The following RAB1A variants were observed in gnomAD, a reference collection of about 807,000 sequenced individuals.
RAB1A encodes the protein ras-related protein Rab-1A.
Under a neutral mutation model 26.0 loss-of-function variants are expected in RAB1A, and 2 were observed. The ratio of observed to expected loss-of-function variants is 0.08; its 90% CI spans 0.03 to 0.24. The LOEUF (loss-of-function observed/expected upper bound fraction) is 0.24, where lower values mean the gene tolerates loss of function less well. Ranked by LOEUF, RAB1A falls within the 10% of genes least tolerant of loss-of-function variation. The pLI, the probability that RAB1A is intolerant of heterozygous loss-of-function variation, is 1.00. For synonymous variants in RAB1A, 84 were observed against 84.9 expected (o/e 0.99, Z 0.06); for missense variants, 100 against 247.0 (o/e 0.40, Z 3.99).
At chr2:65,099,533 A>G (rs1669369267) in intron 2 of RAB1A, among the ~76,000 whole-genome samples, 1 of 152,230 alleles carries the variant, frequency 6.6e-6, no homozygotes, top group African/African-American at 2.4e-5. Flanking sequence ...TTCCTGTGAC[A>G]ATGGAAAGGT....
rs1669275949 is a variant in RAB1A, at chr2:65,096,077, T to C, written c.192+1894A>G. 2.6e-5 allele frequency among the ~76,000 whole-genome samples: 4 copies of C among 151,726 alleles called. No homozygotes were observed. In the South Asian group the frequency reaches 8.3e-4, roughly 31 times the overall value. On this transcript the variant is annotated intron_variant, in intron 3 of 5. Transcript: ENST00000409784. ...CTGAGGCAAGAGAACTGCTTGAACC[T>C]GGGAGGCGGAGGCTGCAGCGAGCCA... is the stretch of plus-strand genomic sequence containing the variant.
At chr2:65,099,247 ATGAACAT>A (rs1669361302) in intron 2 of RAB1A, among the ~76,000 whole-genome samples, 1 of 152,252 alleles carries the variant, frequency 6.6e-6, no homozygotes, top group African/African-American at 2.4e-5. Flanking sequence ...TAATGCTGCC[ATGAACAT>A]TTGTGTACAA....
At position 65,130,025 on chromosome 2, in the gene RAB1A, G is replaced by A; in HGVS notation, c.-110C>T. The A allele has an allele frequency of 8.3e-7, 1 of 1,200,918 alleles. No individual in the cohort carries two copies. Among genetic ancestry groups the A allele is most frequent in the Non-Finnish European group, 1.2e-6 (1 of 831,938 alleles). 74.4% of individuals were successfully genotyped at this position (1,200,918 alleles called of 1,614,324 possible). On this transcript the variant is annotated 5_prime_UTR_variant, in exon 1 of 6. Coordinates refer to ENST00000409784, the MANE Select transcript of RAB1A (RefSeq NM_004161.5). ...AAAGGAATGAGATAGGCTGTTCCGG[G>A]AGAGCAAACGTCTTCCCCTACTCCG...
chr2:65,088,790 T>C (rs1032315895), intron 5 of RAB1A, 100 bp from the exon 6 acceptor site: 16 of 1,323,850 alleles, frequency 1.2e-5, no homozygotes, highest in African/African-American at 4.4e-5. Flanking sequence ...ACTAAGTTCA[T>C]TGGATCCAAA....
At chr2:65,102,353 T>A (rs1669450503) in intron 2 of RAB1A, among the ~76,000 whole-genome samples, 1 of 152,206 alleles carries the variant, frequency 6.6e-6, no homozygotes, top group East Asian at 1.9e-4. Flanking sequence ...TATTTTTAAC[T>A]GTTATATAAA....
intron 1 of RAB1A, among the ~76,000 whole-genome samples, chr2:65,121,473 T>C (rs1007927772): frequency 2.6e-5 from 4 of 152,222 alleles, no homozygotes; most frequent in South Asian, 2.1e-4. Context: ...TTCCAGCCAA[T>C]TGAGCCAACC....
In RAB1A at chr2:65,104,674, GA is replaced by G; in HGVS notation, c.96+59del. 2.4e-6 allele frequency: 3 copies of G among 1,233,462 alleles called. No homozygotes were observed. In the South Asian group the frequency reaches 4.0e-5, roughly 16 times the overall value. The allele number at this position is 1,233,462 out of a possible 1,614,324, so 76.4% of individuals were successfully genotyped here. On this transcript the variant is annotated intron_variant, in intron 2 of 5. Coordinates refer to ENST00000409784, the MANE Select transcript of RAB1A (RefSeq NM_004161.5). The stretch of plus-strand genomic sequence containing the variant: ...AAAACTGTTTAATTTTATCTACCTA[GA>G]AAACATACATAGCATTAATTGTACC...
chr2:65,116,407 G>A lies in RAB1A; in HGVS notation c.24-11601C>T, dbSNP rs147843713. ...CCCGTACTTGAATTGAGGCTCTACT[G>A]CATACCAGCCATAGGATCTTGGTGC... On this transcript the variant is annotated intron_variant, in intron 1 of 5. Coordinates refer to ENST00000409784, the MANE Select transcript of RAB1A (RefSeq NM_004161.5). Among the ~76,000 whole-genome samples the A allele has an allele frequency of 2.5e-3, 377 of 152,192 alleles. 4 individuals carry two copies. The highest frequency in any genetic ancestry group is 8.6e-3 in the African/African-American group (358 of 41,528).
At chr2:65,113,294 C>T (rs529921233) in intron 1 of RAB1A, among the ~76,000 whole-genome samples, 27 of 152,126 alleles carry the variant, frequency 1.8e-4, no homozygotes, top group Non-Finnish European at 3.1e-4. Flanking sequence ...TCTTGATGTC[C>T]GCTGATGTAT....
intron 2 of RAB1A, among the ~76,000 whole-genome samples, chr2:65,101,712 T>C (rs900071504): frequency 1.9e-4 from 29 of 150,920 alleles, no homozygotes; most frequent in Non-Finnish European, 2.5e-4. Context: ...TTTTTTTTTT[T>C]CCATATTTAT....
chr2:65,087,925 TGTTACATA>T lies in RAB1A; in HGVS notation c.*560_*567del, dbSNP rs1472688674. ...TTATTAAACATATCTTCAGTTGTTT[TGTTACATA>T]GTGTGCAACAAATTACAATATTCTG... On this transcript the variant is annotated 3_prime_UTR_variant, in exon 6 of 6. Coordinates refer to ENST00000409784, the MANE Select transcript of RAB1A (RefSeq NM_004161.5). 1 of 152,750 alleles carries T rather than the reference TGTTACATA, an allele frequency of 6.5e-6. No homozygotes were observed. Among genetic ancestry groups the T allele is most frequent in the African/African-American group, 2.4e-5 (1 of 41,464 alleles). The allele number at this position is 152,750 out of a possible 1,614,324, so 9.5% of individuals were successfully genotyped here.
In RAB1A at chr2:65,088,565, A is replaced by T; in HGVS notation, c.546T>A (p.Ala182=). The T allele has an allele frequency of 6.2e-7, 1 of 1,613,752 alleles. No individual in the cohort carries two copies. Among genetic ancestry groups the T allele is most frequent in the Non-Finnish European group, 8.5e-7 (1 of 1,179,836 alleles). The change falls in exon 6 of 6, where the codon GCT becomes GCA. Residue 182 remains alanine (A), a synonymous_variant. Coordinates refer to ENST00000409784, the MANE Select transcript of RAB1A (RefSeq NM_004161.5). ...TAACATTGGACTTCTCAGCACCACC[A>T]GCTGTTGCTCCGGGACCCATTCGCT... is the stretch of plus-strand genomic sequence containing the variant. ...IKKRMGPGAT[A]GGAEKSNVKI... is the part of the protein sequence containing the mutation.
intron 1 of RAB1A, 79 bp downstream of exon 1, chr2:65,129,814 G>T: frequency 6.5e-7 from 1 of 1,549,496 alleles, no homozygotes; most frequent in South Asian, 1.2e-5. Context: ...CCCGACTTCT[G>T]CCCCAACCCT....
intron 1 of RAB1A, among the ~76,000 whole-genome samples, chr2:65,106,123 G>A (rs1307026824): frequency 6.6e-6 from 1 of 151,920 alleles, no homozygotes; most frequent in Non-Finnish European, 1.5e-5. Flanking sequence ...ACTATCCCCA[G>A]AGATTCCTTC....
At chr2:65,124,782 C>T (rs1288456584) in intron 1 of RAB1A, among the ~76,000 whole-genome samples, 1 of 152,102 alleles carries the variant, frequency 6.6e-6, no homozygotes, top group Non-Finnish European at 1.5e-5. Context: ...ACAAGATTAT[C>T]TCATCATCTC....
intron 1 of RAB1A, 74 bp downstream of exon 1, chr2:65,129,818 CA>C (rs1670196547): frequency 6.4e-7 from 1 of 1,554,822 alleles, no homozygotes; most frequent in East Asian, 2.4e-5. Context: ...ACTTCTGCCC[CA>C]ACCCTCCTCG....
intron 3 of RAB1A, among the ~76,000 whole-genome samples, chr2:65,095,324 C>G (rs546493710): frequency 1.2e-4 from 18 of 151,368 alleles, no homozygotes; most frequent in African/African-American, 3.4e-4. Context: ...GCGTGAACCA[C>G]GACGCCCGGA....
chr2:65,129,961 G>A lies in RAB1A; in HGVS notation c.-46C>T, dbSNP rs1670201044. 6.4e-7 allele frequency: 1 copy of A among 1,568,912 alleles called. No individual in the cohort carries two copies. The highest frequency in any genetic ancestry group is 8.6e-7 in the Non-Finnish European group (1 of 1,157,768). ...CGCCACCGCCGCCCTTGCTGCCGCAGCCGCCGCCCTGACTCTCCGCGCCAC... is the reference window on the plus strand; with the variant it reads ...CGCCACCGCCGCCCTTGCTGCCGCAACCGCCGCCCTGACTCTCCGCGCCAC... On this transcript the variant is annotated 5_prime_UTR_variant, in exon 1 of 6. Transcript: ENST00000409784.
At chr2:65,123,411 G>A (rs542930920) in intron 1 of RAB1A, among the ~76,000 whole-genome samples, 62 of 151,848 alleles carry the variant, frequency 4.1e-4, no homozygotes, top group Middle Eastern at 3.4e-3. Flanking sequence ...CTCGTGATTC[G>A]CCCACCTCGG....
Sources: gnomAD v4.1 joint callset for allele counts (sites outside exome capture counted in the v4.1 genomes callset) on GRCh38, gnomAD v4.1.1 for gene constraint, MANE v1.5 for transcripts, NCBI Gene and HGNC (gene_info 2026-07-23, HGNC 2026-07-21) for gene names.